CTNNA2: variants seen among roughly 807,000 people sequenced by gnomAD.
The protein encoded by CTNNA2 is catenin alpha 2, also known as catenin alpha-2.
CTNNA2 carries 42 observed loss-of-function variants against 101.0 expected under a neutral mutation model. The ratio of observed to expected loss-of-function variants is 0.42; its 90% CI spans 0.32 to 0.54. The LOEUF (loss-of-function observed/expected upper bound fraction) is 0.54. Ranked by LOEUF, CTNNA2 falls within the 20% of genes least tolerant of loss-of-function variation. The pLI is 0.14. For synonymous variants in CTNNA2, 450 were observed against 456.4 expected (o/e 0.99, Z 0.18); for missense variants, 871 against 1,223.1 (o/e 0.71, Z 4.29).
intron 7 of CTNNA2, among the ~76,000 whole-genome samples, chr2:79,911,133 G>A (rs546381008): frequency 3.9e-5 from 6 of 152,280 alleles, no homozygotes; most frequent in South Asian, 2.1e-4. Context: ...ATGGTATTAC[G>A]TAGGGTGCAG....
chr2:79,957,115 G>A (rs1051387777), intron 7 of CTNNA2, among the ~76,000 whole-genome samples: 11 of 152,094 alleles, frequency 7.2e-5, no homozygotes, highest in African/African-American at 2.4e-4. Flanking sequence ...GAAATGCTTA[G>A]CATCTCATGC....
chr2:79,928,891 AAATAGTT>A (rs1687206953), intron 7 of CTNNA2, among the ~76,000 whole-genome samples: 1 of 152,330 alleles, frequency 6.6e-6, no homozygotes, highest in Admixed American at 6.5e-5. Flanking sequence ...ATATAACTAA[AAATAGTT>A]AATAGTTAAT....
At chr2:79,224,221 CA>C (rs1674380986) in intron 2 of CTNNA2, among the ~76,000 whole-genome samples, 2 of 152,122 alleles carry the variant, frequency 1.3e-5, no homozygotes, top group South Asian at 4.1e-4. Context: ...AGAACAGCCT[CA>C]AATATTTTAA....
intron 3 of CTNNA2, among the ~76,000 whole-genome samples, chr2:79,320,884 T>C (rs1676605501): frequency 6.6e-6 from 1 of 152,200 alleles, no homozygotes; most frequent in Admixed American, 6.5e-5. Flanking sequence ...GTACCAAAAG[T>C]CTAGGCAAGT....
intron 7 of CTNNA2, among the ~76,000 whole-genome samples, chr2:80,246,870 G>A (rs1012217056): frequency 2.0e-5 from 3 of 152,200 alleles, no homozygotes; most frequent in African/African-American, 4.8e-5. Context: ...GAGACCCTGA[G>A]ACACTAGATT....
intron 7 of CTNNA2, among the ~76,000 whole-genome samples, chr2:80,037,802 T>C (rs1695768373): frequency 6.6e-6 from 1 of 152,226 alleles, no homozygotes; most frequent in South Asian, 2.1e-4. Context: ...AAATTAGTTT[T>C]CTTATCAAAC....
intron 6 of CTNNA2, among the ~76,000 whole-genome samples, chr2:79,879,370 T>C (rs1288154460): frequency 6.6e-6 from 1 of 152,154 alleles, no homozygotes; most frequent in African/African-American, 2.4e-5. Flanking sequence ...TCAATGGTAG[T>C]TTGATGGAAG....
Position 80,608,306 on chromosome 2 carries a change from C to G in CTNNA2, c.2418C>G (p.Leu806=), listed in dbSNP as rs1171861647. The part of the protein sequence containing the change: ...KAEVQNLGGE[L]IVSGTGVQST... ...AAGTGCAGAATCTGGGAGGAGAGCT[C>G]ATTGTGTCAGGGGTAAGCTGGACTT... Residue 806 remains leucine (L), a synonymous_variant, in exon 17 of 19, where the codon CTC becomes CTG. Transcript: ENST00000402739. The G allele has an allele frequency of 6.2e-7, 1 of 1,609,174 alleles. No individual in the cohort carries two copies. Among genetic ancestry groups the G allele is most frequent in the Non-Finnish European group, 8.5e-7 (1 of 1,176,774 alleles).
chr2:79,583,479 A>T (rs1483145807), intron 1 of CTNNA2, among the ~76,000 whole-genome samples: 1 of 150,962 alleles, frequency 6.6e-6, no homozygotes, highest in Non-Finnish European at 1.5e-5. Flanking sequence ...ATTCTTGTTG[A>T]TATATATATA....
chr2:79,992,793 A>G (rs994084734), intron 7 of CTNNA2, among the ~76,000 whole-genome samples: 1 of 152,204 alleles, frequency 6.6e-6, no homozygotes, highest in South Asian at 2.1e-4. Context: ...GTAGGCATGT[A>G]TAAAACTGAA....
chr2:80,150,531 G>A (rs1480323973), intron 7 of CTNNA2, among the ~76,000 whole-genome samples: 1 of 152,116 alleles, frequency 6.6e-6, no homozygotes, highest in Non-Finnish European at 1.5e-5. Context: ...ATTCTTTAGG[G>A]GATGTAAAGC....
intron 7 of CTNNA2, among the ~76,000 whole-genome samples, chr2:79,932,272 T>A (rs1687501369): frequency 6.6e-6 from 1 of 151,594 alleles, no homozygotes. Context: ...TTATACAGGA[T>A]GGAAAAGAAG....
chr2:79,223,776 G>T (rs1361049181), intron 2 of CTNNA2, among the ~76,000 whole-genome samples: 3 of 152,130 alleles, frequency 2.0e-5, no homozygotes, highest in African/African-American at 4.8e-5. Flanking sequence ...TAATGCATAA[G>T]CATAGGAAAA....
At chr2:79,798,988 A>G (rs1675938710) in intron 3 of CTNNA2, among the ~76,000 whole-genome samples, 1 of 151,944 alleles carries the variant, frequency 6.6e-6, no homozygotes, top group Admixed American at 6.6e-5. Flanking sequence ...TGTTGAAGAA[A>G]AGAGGATAAA....
intron 7 of CTNNA2, among the ~76,000 whole-genome samples, chr2:79,932,476 G>A (rs1171698633): frequency 6.6e-6 from 1 of 151,582 alleles, no homozygotes; most frequent in Non-Finnish European, 1.5e-5. Context: ...ACTTGTGTGT[G>A]AGATTCTTTT....
chr2:79,624,694 A>G (rs1330481840), intron 1 of CTNNA2, among the ~76,000 whole-genome samples: 1 of 152,192 alleles, frequency 6.6e-6, no homozygotes, highest in Non-Finnish European at 1.5e-5. Flanking sequence ...TGACTTCTGC[A>G]CCAGATTCTG....
intron 1 of CTNNA2, among the ~76,000 whole-genome samples, chr2:79,565,870 GTTA>G (rs1675080240): frequency 6.6e-6 from 1 of 151,998 alleles, no homozygotes; most frequent in Non-Finnish European, 1.5e-5. Context: ...TGCATAAATG[GTTA>G]TTGAGACCAT....
chr2:79,643,154 T>G (rs1680572774), intron 1 of CTNNA2, among the ~76,000 whole-genome samples: 1 of 151,978 alleles, frequency 6.6e-6, no homozygotes, highest in South Asian at 2.1e-4. Context: ...TCGTGCCGCT[T>G]CACTCCAGCC....
At chr2:80,087,758 G>T (rs1171510819) in intron 7 of CTNNA2, among the ~76,000 whole-genome samples, 2 of 152,194 alleles carry the variant, frequency 1.3e-5, no homozygotes, top group East Asian at 3.9e-4. Context: ...AAGCTCCAAG[G>T]TGATGCCCAT....
Sources: allele counts gnomAD v4.1 joint callset (sites outside exome capture counted in the v4.1 genomes callset), GRCh38; gene constraint gnomAD v4.1.1; transcripts MANE v1.5; gene names NCBI Gene and HGNC (gene_info 2026-07-23, HGNC 2026-07-21).